NECTIN3: variants seen among roughly 807,000 people sequenced by gnomAD.
The protein encoded by NECTIN3 is nectin cell adhesion molecule 3, also known as nectin-3.
In NECTIN3, 8 loss-of-function variants were observed where a neutral mutation model predicts 49.4. That is an observed-to-expected ratio of 0.16 (90% CI 0.10 to 0.29). The LOEUF is 0.29. NECTIN3 is among the 10% of genes least tolerant of loss of function. NECTIN3 has a pLI of 1.00. For missense variants in NECTIN3, 581 were observed against 654.6 expected, an observed-to-expected ratio of 0.89 and a Z score of 1.23; for synonymous variants, 277 against 241.1, an observed-to-expected ratio of 1.15 and a Z score of -1.38.
At chr3:111,131,784 A>T (rs1259545885) in intron 5 of NECTIN3, among the ~76,000 whole-genome samples, 1 of 151,862 alleles carries the variant, frequency 6.6e-6, no homozygotes, top group East Asian at 1.9e-4. Context: ...ATTTGGTGAG[A>T]GCTCAAATAT....
intron 1 of NECTIN3, among the ~76,000 whole-genome samples, chr3:111,108,481 T>C (rs747400672): frequency 5.6e-4 from 85 of 152,126 alleles, no homozygotes; most frequent in Non-Finnish European, 9.9e-4. Context: ...TTCTGGATTG[T>C]AAGGAGATAT....
rs117014440 is a variant in NECTIN3 at position 111,088,233 on chromosome 3, C to T, written c.160+16056C>T. On this transcript the variant is annotated intron_variant, in intron 1 of 5. Coordinates refer to ENST00000485303, the MANE Select transcript of NECTIN3 (RefSeq NM_015480.3). The stretch of plus-strand genomic sequence containing the variant: ...GAGTTGTTTGTTAAAAAGAGTCTGG[C>T]ACCTCCTCTCTAGCTTTGTTGCTTC... Among the ~76,000 whole-genome samples, 14 of 152,230 alleles carry T rather than the reference C, an allele frequency of 9.2e-5. No individual in the cohort carries two copies. The East Asian group carries it at 2.5e-3, about 27-fold the overall frequency.
At chr3:111,080,231 T>C (rs1458811762) in intron 1 of NECTIN3, among the ~76,000 whole-genome samples, 3 of 152,176 alleles carry the variant, frequency 2.0e-5, no homozygotes, top group Non-Finnish European at 4.4e-5. Flanking sequence ...ATTCTTAAAG[T>C]ACTCAGCAAT....
intron 7 of NECTIN3, among the ~76,000 whole-genome samples, chr3:111,169,646 T>C (rs1021877868): frequency 6.6e-6 from 1 of 152,134 alleles, no homozygotes; most frequent in Non-Finnish European, 1.5e-5. Context: ...CCTTTCTCCA[T>C]TAAAACACTC....
At chr3:111,113,503 A>G (rs903732383) in intron 2 of NECTIN3, among the ~76,000 whole-genome samples, 1 of 152,158 alleles carries the variant, frequency 6.6e-6, no homozygotes, top group African/African-American at 2.4e-5. Flanking sequence ...GTCCAAATTT[A>G]TTATATATTT....
intron 2 of NECTIN3, among the ~76,000 whole-genome samples, chr3:111,118,199 CTT>C (rs1343098698): frequency 1.5e-5 from 2 of 134,406 alleles, no homozygotes; most frequent in Non-Finnish European, 3.1e-5. Context: ...ATAATCATAA[CTT>C]ATTTTTAAAA....
At chr3:111,158,424 T>C (rs1315484996) in intron 7 of NECTIN3, among the ~76,000 whole-genome samples, 4 of 152,090 alleles carry the variant, frequency 2.6e-5, no homozygotes, top group African/African-American at 9.6e-5. Flanking sequence ...CAATCCTGTT[T>C]ATGAAAAGAA....
chr3:111,165,704 G>T (rs934219054), intron 7 of NECTIN3, among the ~76,000 whole-genome samples: 8 of 152,096 alleles, frequency 5.3e-5, no homozygotes, highest in Non-Finnish European at 1.0e-4. Flanking sequence ...AAGTAACTTG[G>T]CTACTTTGCA....
At chr3:111,133,566 C>T in intron 5 of NECTIN3, 69 bp from the exon 6 acceptor site, 1 of 1,522,374 alleles carries the variant, frequency 6.6e-7, no homozygotes, top group Non-Finnish European at 8.8e-7. Flanking sequence ...TGTCAACTTG[C>T]TGCTGAATCA....
At chr3:111,117,610 G>A (rs1255142108) in intron 2 of NECTIN3, among the ~76,000 whole-genome samples, 2 of 151,550 alleles carry the variant, frequency 1.3e-5, no homozygotes, top group Non-Finnish European at 2.9e-5. Context: ...ATAAAAATAG[G>A]TTTCAAAGTA....
chr3:111,163,830 A>C (rs1428576588), intron 7 of NECTIN3, among the ~76,000 whole-genome samples: 1 of 152,148 alleles, frequency 6.6e-6, no homozygotes, highest in Non-Finnish European at 1.5e-5. Context: ...TACTTGGATA[A>C]ATAATATTTG....
At chr3:111,146,528 A>G (rs1475769171) in intron 6 of NECTIN3, among the ~76,000 whole-genome samples, 1 of 152,046 alleles carries the variant, frequency 6.6e-6, no homozygotes, top group African/African-American at 2.4e-5. Context: ...ATTTACTGGT[A>G]GGTTAACAAA....
In NECTIN3 at chr3:111,134,646, T is replaced by G; in HGVS notation, c.*431T>G. On this transcript the variant is annotated 3_prime_UTR_variant, in exon 6 of 6. Coordinates refer to ENST00000485303, the MANE Select transcript of NECTIN3 (RefSeq NM_015480.3). ...AAAATTTATCACCACTCAATGACAC[T>G]GCATCAAAATTGACTATAAAACTAA... 1.1e-6 allele frequency: 1 copy of G among 873,202 alleles called. No homozygotes were observed. The highest frequency in any genetic ancestry group is 1.4e-6 in the Non-Finnish European group (1 of 727,904). The allele number at this position is 873,202 out of a possible 1,614,324, so 54.1% of individuals were successfully genotyped here.
At chr3:111,123,291 G>C (rs1576132057) in intron 4 of NECTIN3, among the ~76,000 whole-genome samples, 1 of 151,804 alleles carries the variant, frequency 6.6e-6, no homozygotes, top group East Asian at 1.9e-4. Flanking sequence ...GTTTTTTTCT[G>C]CTTTCTACAT....
intron 7 of NECTIN3, among the ~76,000 whole-genome samples, chr3:111,152,937 G>A (rs192181125): frequency 2.1e-3 from 322 of 151,926 alleles, no homozygotes; most frequent in Non-Finnish European, 3.7e-3. Context: ...TAGGTAGGCT[G>A]CTTTTGTTAG....
Position 111,072,110 on chromosome 3 carries a change from G to A in NECTIN3, c.93G>A (p.Leu31=), listed in dbSNP as rs1399477994. 3 of 1,549,442 alleles carry A rather than the reference G, an allele frequency of 1.9e-6. No individual in the cohort carries two copies. Among genetic ancestry groups the A allele is most frequent in the Non-Finnish European group, 2.6e-6 (3 of 1,146,198 alleles). ...SASLLGAGLL[L]QPPTPPPLLL... ...CTCTCCTCGGAGCCGGGCTCCTGCT[G>A]CAGCCCCCGACGCCACCTCCGCTGC... The change falls in exon 1 of 6, where the codon CTG becomes CTA. Residue 31 remains leucine, a synonymous_variant. Transcript: ENST00000485303.
At chr3:111,174,484 A>T (rs868198081) in intron 7 of NECTIN3, among the ~76,000 whole-genome samples, 7 of 152,094 alleles carry the variant, frequency 4.6e-5, no homozygotes, top group Non-Finnish European at 7.4e-5. Flanking sequence ...TGTACCTATC[A>T]CTTTTCTAAA....
chr3:111,162,137 G>T (rs1315855016), intron 7 of NECTIN3, among the ~76,000 whole-genome samples: 1 of 151,812 alleles, frequency 6.6e-6, no homozygotes, highest in Non-Finnish European at 1.5e-5. Context: ...GTTTTCTTGG[G>T]GGGTGGGTCA....
rs143532355 is a variant in NECTIN3 at position 111,108,805 on chromosome 3, C to T, written c.161-3225C>T. Reference sequence around the variant, plus strand: ...CCTGTGAACTCAGAGTGGAAACTCACTCATTACCACAGGGACAGCACCAAG... The same window carrying T: ...CCTGTGAACTCAGAGTGGAAACTCATTCATTACCACAGGGACAGCACCAAG... On this transcript the variant is annotated intron_variant, in intron 1 of 5. Transcript: ENST00000485303. Among the ~76,000 whole-genome samples, 1,458 of 152,236 alleles carry T rather than the reference C, an allele frequency of 9.6e-3. 16 individuals carry two copies. The highest frequency in any genetic ancestry group is 0.014 in the Admixed American group (220 of 15,278).
Sources: gnomAD v4.1 joint callset for allele counts (sites outside exome capture counted in the v4.1 genomes callset) on GRCh38, gnomAD v4.1.1 for gene constraint, MANE v1.5 for transcripts, NCBI Gene and HGNC (gene_info 2026-07-23, HGNC 2026-07-21) for gene names.